ZSCAN5A: variants seen among roughly 807,000 people sequenced by gnomAD.
The protein encoded by ZSCAN5A is zinc finger and SCAN domain containing 5A.
A neutral mutation model predicts 23.7 loss-of-function variants in ZSCAN5A; 12 were observed. The ratio of observed to expected loss-of-function variants is 0.51; its 90% CI spans 0.32 to 0.82. The LOEUF (loss-of-function observed/expected upper bound fraction) is 0.82. Among genes scored for constraint, ZSCAN5A ranks in the 40% least tolerant of loss-of-function variants. The pLI is 0.03. For synonymous variants in ZSCAN5A, 257 were observed against 239.9 expected, an observed-to-expected ratio of 1.07 and a Z score of -0.66; for missense variants, 597 against 617.9, an observed-to-expected ratio of 0.97 and a Z score of 0.36.
chr19:56,248,853 T>C (rs865824766), intron 2 of ZSCAN5A, among the ~76,000 whole-genome samples: 10 of 152,128 alleles, frequency 6.6e-5, no homozygotes, highest in Middle Eastern at 3.4e-3. Flanking sequence ...AGCAGAGCGG[T>C]GCACCTGTTC....
At chr19:56,304,718 G>C in intron 2 of ZSCAN5A, 1 of 868,208 alleles carries the variant, frequency 1.2e-6, no homozygotes, top group Non-Finnish European at 1.4e-6. Context: ...GGGAGAAAGG[G>C]AGGTAAGGAA....
At chr19:56,341,626 T>C (rs1271957983) in intron 2 of ZSCAN5A, among the ~76,000 whole-genome samples, 1 of 147,862 alleles carries the variant, frequency 6.8e-6, no homozygotes, top group African/African-American at 2.5e-5. Flanking sequence ...TGTAATAACC[T>C]TCATTAAAAA....
intron 2 of ZSCAN5A, among the ~76,000 whole-genome samples, chr19:56,336,836 G>T (rs1416311038): frequency 6.6e-6 from 1 of 152,220 alleles, no homozygotes; most frequent in African/African-American, 2.4e-5. Flanking sequence ...TGTGGAGTTT[G>T]CTGGTGGTCC....
chr19:56,252,805 C>T (rs541946404), intron 2 of ZSCAN5A, among the ~76,000 whole-genome samples: 156 of 152,278 alleles, frequency 1.0e-3, no homozygotes, highest in African/African-American at 3.6e-3. Context: ...CTTCTGGGGT[C>T]CAGGGGCCAA....
intron 2 of ZSCAN5A, among the ~76,000 whole-genome samples, chr19:56,298,947 T>C (rs1374401184): frequency 6.6e-6 from 1 of 152,174 alleles, no homozygotes; most frequent in Non-Finnish European, 1.5e-5. Flanking sequence ...GACTAAATAT[T>C]AGCAAGTGCA....
chr19:56,363,814 C>T (rs2041748567), intron 1 of ZSCAN5A, among the ~76,000 whole-genome samples: 1 of 152,060 alleles, frequency 6.6e-6, no homozygotes. Flanking sequence ...GTCTAACAGC[C>T]TATGTTCAGA....
chr19:56,253,459 A>G, intron 2 of ZSCAN5A, among the ~76,000 whole-genome samples: 1 of 152,164 alleles, frequency 6.6e-6, no homozygotes, highest in East Asian at 1.9e-4. Context: ...TAGAACTTGT[A>G]AAAGAATCCC....
At chr19:56,357,457 A>C (rs1161198120) in intron 2 of ZSCAN5A, among the ~76,000 whole-genome samples, 1 of 148,012 alleles carries the variant, frequency 6.8e-6, no homozygotes, top group African/African-American at 2.6e-5. Flanking sequence ...CCCTCACCCC[A>C]AACCTTCACC....
intron 2 of ZSCAN5A, among the ~76,000 whole-genome samples, chr19:56,343,794 T>C (rs2041612277): frequency 6.6e-6 from 1 of 152,226 alleles, no homozygotes; most frequent in Admixed American, 6.5e-5. Flanking sequence ...CCTTGTTTTA[T>C]ATAAAACCTT....
At position 56,222,289 on chromosome 19, in the gene ZSCAN5A, T is replaced by C. The variant is rs562997139; in HGVS notation, c.777A>G (p.Pro259=). 1.4e-5 allele frequency: 22 copies of C among 1,613,034 alleles called. No homozygotes were observed. The African/African-American group carries it at 2.3e-4, about 17-fold the overall frequency. ...CCACATTTTCCACAGAGGCTATTTT[T>C]GGGGGGTCCTTCCCCTCCTTTGCTC... ...LVRAKEGKDP[P]KIASVENVDA... Residue 259 remains proline (P), a synonymous_variant, in exon 6 of 6, where the codon CCA becomes CCG. Coordinates refer to ENST00000683990, the MANE Select transcript of ZSCAN5A (RefSeq NM_001322064.3).
intron 2 of ZSCAN5A, among the ~76,000 whole-genome samples, chr19:56,324,431 T>C (rs2041413602): frequency 6.6e-6 from 1 of 152,106 alleles, no homozygotes; most frequent in East Asian, 1.9e-4. Flanking sequence ...AAAACCACAA[T>C]GAGAAATTAT....
intron 5 of ZSCAN5A, 23 bp from the exon 6 acceptor site, chr19:56,222,349 C>A (rs755951305): frequency 1.2e-6 from 2 of 1,606,786 alleles, no homozygotes; most frequent in South Asian, 1.1e-5. Context: ...ATTCCACACA[C>A]ACAGTTAATA....
chr19:56,223,679 G>A lies in ZSCAN5A; in HGVS notation c.540C>T (p.His180=). ...CCCTGGGCAGGATCTGCAGCTCTCG[G>A]TGGGCCTGGCCTTCCCCTGGACGCA... ...NQMRPGEGQA[H]RELQILPRVP... is the part of the protein sequence containing the mutation. Residue 180 remains histidine (H), a synonymous_variant, in exon 4 of 6, where the codon CAC becomes CAT. Coordinates refer to ENST00000683990, the MANE Select transcript of ZSCAN5A (RefSeq NM_001322064.3). 6.2e-7 allele frequency: 1 copy of A among 1,613,826 alleles called. No individual in the cohort carries two copies.
chr19:56,221,541 T>C lies in ZSCAN5A; in HGVS notation c.*34A>G. ...TTGATGAAAAATATCATTCACTTCT[T>C]CTTGGTGCAGAAGGCATAGACCGGA... On this transcript the variant is annotated 3_prime_UTR_variant, in exon 6 of 6. Transcript: ENST00000683990. 6.5e-7 allele frequency: 1 copy of C among 1,535,730 alleles called. No homozygotes were observed. Among genetic ancestry groups the C allele is most frequent in the East Asian group, 2.3e-5 (1 of 44,198 alleles).
rs1346679357 is a variant in ZSCAN5A, at chr19:56,258,397, C to T, written c.-127-33224G>A. ...CCTTCCAGTGTGGGGGTGACGGACA[C>T]GCCTTCCAGTGTGGGGGTGACGGAC... is the stretch of plus-strand genomic sequence containing the variant. On this transcript the variant is annotated intron_variant, in intron 2 of 5. Coordinates refer to ENST00000683990, the MANE Select transcript of ZSCAN5A (RefSeq NM_001322064.3). Among the ~76,000 whole-genome samples the T allele has an allele frequency of 9.8e-4, 129 of 131,924 alleles. 2 individuals are homozygous for T. The highest frequency in any genetic ancestry group is 2.4e-4 in the Non-Finnish European group (16 of 67,756). 86.5% of individuals were successfully genotyped at this position (131,924 alleles called of 152,430 possible). A position where few individuals can be genotyped will look rare whatever the true frequency, so the allele number is the denominator to read the frequency against.
intron 2 of ZSCAN5A, among the ~76,000 whole-genome samples, chr19:56,357,965 T>C (rs1387391315): frequency 2.0e-5 from 3 of 148,434 alleles, no homozygotes; most frequent in Non-Finnish European, 4.5e-5. Context: ...GTTGCAATCC[T>C]AGTCTCTGGC....
chr19:56,346,060 A>T (rs1345906572), intron 2 of ZSCAN5A, among the ~76,000 whole-genome samples: 1 of 152,052 alleles, frequency 6.6e-6, no homozygotes, highest in Non-Finnish European at 1.5e-5. Context: ...TTCCTCATGC[A>T]GCAGAGGGTG....
intron 2 of ZSCAN5A, among the ~76,000 whole-genome samples, chr19:56,267,745 T>C (rs749982855): frequency 2.0e-5 from 3 of 152,192 alleles, no homozygotes; most frequent in Non-Finnish European, 4.4e-5. Flanking sequence ...AGATCTCACT[T>C]TTTTCATCTA....
Position 56,238,517 on chromosome 19 carries a change from A to G in ZSCAN5A, c.-127-13344T>C, listed in dbSNP as rs1297393309. ...TGTGGTGGTGCTTGCCTGTAATTCCAGATACTCACTCAGGAGGCTGGAGCA... is the reference window on the plus strand; with the variant it reads ...TGTGGTGGTGCTTGCCTGTAATTCCGGATACTCACTCAGGAGGCTGGAGCA... On this transcript the variant is annotated intron_variant, in intron 2 of 5. Transcript: ENST00000683990. Among the ~76,000 whole-genome samples, 4 of 152,224 alleles carry G rather than the reference A, an allele frequency of 2.6e-5. No individual in the cohort carries two copies. The East Asian group carries it at 7.8e-4, about 30-fold the overall frequency.
Sources: gnomAD v4.1 joint callset for allele counts (sites outside exome capture counted in the v4.1 genomes callset) on GRCh38, gnomAD v4.1.1 for gene constraint, MANE v1.5 for transcripts, NCBI Gene and HGNC (gene_info 2026-07-23, HGNC 2026-07-21) for gene names.